The following GRIA2 variants were observed in gnomAD, a reference collection of about 807,000 sequenced individuals.
GRIA2 encodes the protein glutamate ionotropic receptor AMPA type subunit 2.
GRIA2 carries 14 observed loss-of-function variants against 97.3 expected under a neutral mutation model. The ratio of observed to expected loss-of-function variants is 0.14; its 90% CI spans 0.10 to 0.23. The LOEUF is 0.23. Ranked by LOEUF, GRIA2 falls within the 10% of genes least tolerant of loss-of-function variation. GRIA2 has a pLI of 1.00. For missense variants in GRIA2, 558 were observed against 1,069.8 expected (o/e 0.52, Z 6.67); for synonymous variants, 412 against 387.8 (o/e 1.06, Z -0.73).
chr4:157,329,002 C>A (rs2126923456), intron 6 of GRIA2, among the ~76,000 whole-genome samples: 1 of 151,968 alleles, frequency 6.6e-6, no homozygotes, highest in East Asian at 1.9e-4. Context: ...TTTCAAAGGG[C>A]ACATATTCAA....
chr4:157,346,062 T>G (rs972467106), intron 12 of GRIA2, among the ~76,000 whole-genome samples: 1 of 152,160 alleles, frequency 6.6e-6, no homozygotes, highest in African/African-American at 2.4e-5. Context: ...ATTTTCCATA[T>G]GCATACATTG....
At chr4:157,247,972 T>C (rs1484643540) in intron 2 of GRIA2, among the ~76,000 whole-genome samples, 1 of 152,092 alleles carries the variant, frequency 6.6e-6, no homozygotes, top group East Asian at 1.9e-4. Flanking sequence ...TTTGTTATTC[T>C]TTTGTCAAAT....
chr4:157,359,674 T>G (rs761072748), intron 12 of GRIA2, among the ~76,000 whole-genome samples: 53 of 152,160 alleles, frequency 3.5e-4, no homozygotes, highest in South Asian at 6.2e-4. Context: ...TTGTTTACCA[T>G]AGTAAATCGA....
chr4:157,220,803 T>C lies in GRIA2; in HGVS notation c.-240T>C. 1.8e-6 allele frequency: 1 copy of C among 551,388 alleles called. No individual in the cohort carries two copies. The highest frequency in any genetic ancestry group is 3.1e-5 in the East Asian group (1 of 32,128). 34.2% of individuals were successfully genotyped at this position (551,388 alleles called of 1,614,324 possible). A position where few individuals can be genotyped will look rare whatever the true frequency, so the allele number is the denominator to read the frequency against. On this transcript the variant is annotated 5_prime_UTR_variant, in exon 1 of 16. Transcript: ENST00000264426. Reference sequence around the variant, plus strand: ...CCACAGCGGCAGCTCCGCTGAAAACTGCATTCAGCCAGTCCTCCGGACTTC... The same window carrying C: ...CCACAGCGGCAGCTCCGCTGAAAACCGCATTCAGCCAGTCCTCCGGACTTC...
chr4:157,285,037 T>C (rs1732774872), intron 2 of GRIA2, among the ~76,000 whole-genome samples: 1 of 151,750 alleles, frequency 6.6e-6, no homozygotes, highest in Non-Finnish European at 1.5e-5. Context: ...TTCACATATC[T>C]ACTGTCAGTA....
Position 157,271,756 on chromosome 4 carries a change from T to C in GRIA2, c.230-31796T>C, listed in dbSNP as rs75278794. 2.5e-3 allele frequency among the ~76,000 whole-genome samples: 376 copies of C among 152,226 alleles called. 2 individuals are homozygous for C. The highest frequency in any genetic ancestry group is 8.9e-3 in the African/African-American group (370 of 41,564). ...ACAACCCTCTACAGGCCTTGTTTTT[T>C]CAGGCAATTAGCCTCTGTCCTGAAG... On this transcript the variant is annotated intron_variant, in intron 2 of 15. Transcript: ENST00000264426.
chr4:157,265,349 C>T (rs936585496), intron 2 of GRIA2, among the ~76,000 whole-genome samples: 3 of 152,124 alleles, frequency 2.0e-5, no homozygotes, highest in African/African-American at 7.2e-5. Flanking sequence ...TTAATTACCT[C>T]GCATGAATCT....
chr4:157,284,233 A>G (rs2126820486), intron 2 of GRIA2, among the ~76,000 whole-genome samples: 1 of 152,002 alleles, frequency 6.6e-6, no homozygotes, highest in African/African-American at 2.4e-5. Context: ...TTAAGTAGTC[A>G]GCATTTATTT....
At chr4:157,227,279 G>A (rs901775328) in intron 2 of GRIA2, among the ~76,000 whole-genome samples, 4 of 152,126 alleles carry the variant, frequency 2.6e-5, no homozygotes, top group African/African-American at 9.7e-5. Flanking sequence ...TATGACAAGT[G>A]GATGCTGATT....
At chr4:157,291,498 C>A (rs1407774358) in intron 2 of GRIA2, among the ~76,000 whole-genome samples, 1 of 151,756 alleles carries the variant, frequency 6.6e-6, no homozygotes, top group East Asian at 1.9e-4. Flanking sequence ...AGGAATTATT[C>A]ACATAACCTA....
chr4:157,324,092 G>C (rs1008888850), intron 6 of GRIA2, among the ~76,000 whole-genome samples: 2 of 152,158 alleles, frequency 1.3e-5, no homozygotes, highest in Admixed American at 6.5e-5. Flanking sequence ...GGTTAGCACA[G>C]CTTTGGAAAC....
chr4:157,344,317 A>C (rs1706001773), intron 12 of GRIA2, among the ~76,000 whole-genome samples: 1 of 152,074 alleles, frequency 6.6e-6, no homozygotes, highest in African/African-American at 2.4e-5. Context: ...CATTCACCAC[A>C]GGTCTTGGGT....
chr4:157,229,213 A>C (rs528834943), intron 2 of GRIA2, among the ~76,000 whole-genome samples: 1 of 151,692 alleles, frequency 6.6e-6, no homozygotes, highest in South Asian at 2.1e-4. Context: ...GCGTATCCTT[A>C]TTTTTTCTTT....
At chr4:157,351,628 C>T (rs11728471) in intron 12 of GRIA2, among the ~76,000 whole-genome samples, 11,413 of 152,220 alleles carry the variant, frequency 0.075, 573 homozygotes, top group South Asian at 0.12. Flanking sequence ...ACCCAAATCT[C>T]ACCTTGAATT....
intron 2 of GRIA2, among the ~76,000 whole-genome samples, chr4:157,282,671 G>A (rs1175979778): frequency 1.3e-5 from 2 of 152,034 alleles, no homozygotes; most frequent in African/African-American, 4.8e-5. Context: ...TACTAATTTT[G>A]TTTCTGGTAG....
chr4:157,358,780 C>T (rs1479375391), intron 12 of GRIA2, among the ~76,000 whole-genome samples: 1 of 152,088 alleles, frequency 6.6e-6, no homozygotes, highest in Non-Finnish European at 1.5e-5. Flanking sequence ...AAATAGAGTG[C>T]TTTTATATGT....
rs942658611 is a variant in GRIA2 at position 157,361,739 on chromosome 4, A to G, written c.2406+615A>G. On this transcript the variant is annotated intron_variant, in intron 14 of 15. Coordinates refer to ENST00000264426, the MANE Select transcript of GRIA2 (RefSeq NM_001083619.3). The surrounding 1 kb of genome is among the most constrained non-coding windows in gnomAD (Gnocchi z 5.2). ...ACAAGTGTGTTAGTGGGAATGACCCATCTTAAATAGAATGTAAATGCAAAT... is the reference window on the plus strand; with the variant it reads ...ACAAGTGTGTTAGTGGGAATGACCCGTCTTAAATAGAATGTAAATGCAAAT... The G allele has an allele frequency of 1.1e-6, 1 of 874,364 alleles. No homozygotes were observed. The highest frequency in any genetic ancestry group is 1.9e-6 in the Non-Finnish European group (1 of 535,266). The allele number at this position is 874,364 out of a possible 1,614,324, so 54.2% of individuals were successfully genotyped here. A position where few individuals can be genotyped will look rare whatever the true frequency, so the allele number is the denominator to read the frequency against.
chr4:157,338,829 T>C lies in GRIA2; in HGVS notation c.1844+2082T>C, dbSNP rs1321576510. ...TAATACATTGGAAAAGTTAATGATT[T>C]TTAATGAACAAAACTATCATTTTTT... is the stretch of plus-strand genomic sequence containing the variant. On this transcript the variant is annotated intron_variant, in intron 11 of 15. Transcript: ENST00000264426. Among the ~76,000 whole-genome samples, 3 of 152,082 alleles carry C rather than the reference T, an allele frequency of 2.0e-5. No homozygotes were observed. The East Asian group carries it at 5.8e-4, about 29-fold the overall frequency.
intron 2 of GRIA2, among the ~76,000 whole-genome samples, chr4:157,273,805 G>C (rs895039814): frequency 1.3e-5 from 2 of 151,944 alleles, no homozygotes; most frequent in African/African-American, 2.4e-5. Flanking sequence ...GAAAAGAACA[G>C]AACTAATAAT....
Sources: allele counts gnomAD v4.1 joint callset (sites outside exome capture counted in the v4.1 genomes callset), GRCh38; gene constraint gnomAD v4.1.1; non-coding constraint Gnocchi (gnomAD v3.1); transcripts MANE v1.5; gene names NCBI Gene and HGNC (gene_info 2026-07-23, HGNC 2026-07-21).